SPTB: variants seen among roughly 807,000 people sequenced by gnomAD.
SPTB encodes the protein spectrin beta chain, erythrocytic.
SPTB carries 45 observed loss-of-function variants against 256.2 expected under a neutral mutation model. That is an observed-to-expected ratio of 0.18 (90% CI 0.14 to 0.23). The LOEUF (loss-of-function observed/expected upper bound fraction) is 0.23. SPTB is among the 10% of genes least tolerant of loss of function. SPTB has a pLI of 1.00. For synonymous variants in SPTB, 1,231 were observed against 1,243.1 expected (o/e 0.99, Z 0.21); for missense variants, 2,715 against 3,040.4 (o/e 0.89, Z 2.52).
rs1274707533 is a variant in SPTB, at chr14:64,746,774, C to T, written c.*2532G>A. The T allele has an allele frequency of 1.3e-5, 2 of 152,576 alleles. No individual in the cohort carries two copies. The highest frequency in any genetic ancestry group is 2.9e-5 in the Non-Finnish European group (2 of 68,154). 9.5% of individuals were successfully genotyped at this position (152,576 alleles called of 1,614,324 possible). On this transcript the variant is annotated 3_prime_UTR_variant, in exon 36 of 36. Coordinates refer to ENST00000644917, the MANE Select transcript of SPTB (RefSeq NM_001355436.2). The surrounding 1 kb of genome is among the most constrained non-coding windows in gnomAD (Gnocchi z 4.9). ...GGAAGGAGGACCGCCTGACCTTGCC[C>T]AGAAGGAGCTTCCTCTAAACTGCCC... is the stretch of plus-strand genomic sequence containing the variant.
rs1012649080 is a variant in SPTB at position 64,764,253 on chromosome 14, A to T, written c.6345+2473T>A. ...GGCTTGCAAGGAGCCTTCTAGAGCC[A>T]GGTTGGGCTTTCCCGACAGGCTCTG... On this transcript the variant is annotated intron_variant, in intron 32 of 35. Transcript: ENST00000644917. The surrounding 1 kb of genome is among the most constrained non-coding windows in gnomAD (Gnocchi z 4.2). 1.3e-5 allele frequency among the ~76,000 whole-genome samples: 2 copies of T among 152,218 alleles called. No homozygotes were observed. Among genetic ancestry groups the T allele is most frequent in the African/African-American group, 4.8e-5 (2 of 41,448 alleles).
Position 64,797,792 on chromosome 14 carries a change from C to T in SPTB, c.1119G>A (p.Met373Ile), listed in dbSNP as rs1167992290. ...EVLLFTIQSR[M>I]RANNQKVYTP... ...TGTACACTTTCTGATTGTTGGCTCT[C>T]ATCCGGGACTGGATGGTAAAAAGTA... is the stretch of plus-strand genomic sequence containing the variant. The change falls in exon 10 of 36, where the codon ATG (methionine) becomes ATA (isoleucine). Residue 373 changes from methionine to isoleucine, a missense_variant. Physicochemically the swap from Met to Ile is conservative, Grantham distance 10. Transcript: ENST00000644917. 2 of 1,614,190 alleles carry T rather than the reference C, an allele frequency of 1.2e-6. No homozygotes were observed. The highest frequency in any genetic ancestry group is 1.3e-5 in the African/African-American group (1 of 75,044).
intron 33 of SPTB, chr14:64,752,442 T>C: frequency 5.0e-6 from 2 of 396,164 alleles, no homozygotes; most frequent in South Asian, 3.7e-5. Context: ...CATTTCTGAC[T>C]CCGCGCTCAG....
intron 1 of SPTB, among the ~76,000 whole-genome samples, chr14:64,842,226 T>G (rs532139515): frequency 2.6e-5 from 4 of 152,234 alleles, no homozygotes; most frequent in Admixed American, 2.6e-4. Flanking sequence ...ATTGCTAAAA[T>G]AGTCTGCAAG....
chr14:64,771,510 G>T (rs559224282), intron 26 of SPTB, among the ~76,000 whole-genome samples: 3 of 152,238 alleles, frequency 2.0e-5, no homozygotes, highest in African/African-American at 7.2e-5. Flanking sequence ...TCTGAGATGG[G>T]GAAAACGAGG....
At chr14:64,843,762 C>T (rs973975180) in intron 1 of SPTB, among the ~76,000 whole-genome samples, 2 of 152,182 alleles carry the variant, frequency 1.3e-5, no homozygotes, top group African/African-American at 4.8e-5. Flanking sequence ...CTTGGCAACA[C>T]CCCTTGCCAG....
At chr14:64,821,974 C>T (rs1032803917) in intron 2 of SPTB, among the ~76,000 whole-genome samples, 1 of 151,984 alleles carries the variant, frequency 6.6e-6, no homozygotes, top group Non-Finnish European at 1.5e-5. Flanking sequence ...ATTACTACAA[C>T]CTTCAATTTG....
rs201889680 is a variant in SPTB at position 64,793,546 on chromosome 14, C to G, written c.2117G>C (p.Arg706Pro). Reference protein sequence around the residue: ...IFQEAHGMVARKQFGHPQIEA... With the variant: ...IFQEAHGMVAPKQFGHPQIEA... ...GATCTGCGGGTGCCCAAACTGCTTG[C>G]GCGCAACCATGCCATGAGCCTCCTG... Residue 706 changes from arginine to proline, a missense_variant, in exon 14 of 36, where the codon CGC becomes CCC. Physicochemically the swap from Arg to Pro is moderately radical, Grantham distance 103 (BLOSUM62 -2). This residue lies in a region of SPTB where 2,239 missense variants were observed against 2,384.4 expected (regional missense o/e 0.94). Coordinates refer to ENST00000644917, the MANE Select transcript of SPTB (RefSeq NM_001355436.2). The surrounding 1 kb of genome is among the most constrained non-coding windows in gnomAD (Gnocchi z 7.0). 6.2e-7 allele frequency: 1 copy of G among 1,614,112 alleles called. No homozygotes were observed. Among genetic ancestry groups the G allele is most frequent in the South Asian group, 1.1e-5 (1 of 91,084 alleles).
chr14:64,771,411 A>G (rs2082276298), intron 26 of SPTB, among the ~76,000 whole-genome samples: 1 of 152,198 alleles, frequency 6.6e-6, no homozygotes, highest in Non-Finnish European at 1.5e-5. Flanking sequence ...GGAACTACAT[A>G]TCAGGCACTG....
intron 32 of SPTB, chr14:64,753,999 T>C (rs1325676884): frequency 5.9e-6 from 4 of 678,910 alleles, no homozygotes; most frequent in Admixed American, 2.2e-5. Context: ...TGCTTCTGGC[T>C]CCATTTCCAC....
rs2083000769 is a variant in SPTB, at chr14:64,807,173, G to A, written c.149-2083C>T. ...TAGCTAACCCTTCAGGTCAGGTGTGGAGCCTCTGACTAAGGGGGGTGAAAG... is the reference window on the plus strand; with the variant it reads ...TAGCTAACCCTTCAGGTCAGGTGTGAAGCCTCTGACTAAGGGGGGTGAAAG... On this transcript the variant is annotated intron_variant, in intron 2 of 35. Coordinates refer to ENST00000644917, the MANE Select transcript of SPTB (RefSeq NM_001355436.2). The surrounding 1 kb of genome is among the most constrained non-coding windows in gnomAD (Gnocchi z 4.7). Among the ~76,000 whole-genome samples, 1 of 152,212 alleles carries A rather than the reference G, an allele frequency of 6.6e-6. No individual in the cohort carries two copies. The highest frequency in any genetic ancestry group is 1.5e-5 in the Non-Finnish European group (1 of 68,040).
In SPTB at chr14:64,824,797, G is replaced by A. The variant is rs151113933; in HGVS notation, c.-51-1652C>T. 6.6e-6 allele frequency among the ~76,000 whole-genome samples: 1 copy of A among 152,352 alleles called. No homozygotes were observed. The highest frequency in any genetic ancestry group is 2.4e-5 in the African/African-American group (1 of 41,578). On this transcript the variant is annotated intron_variant, in intron 1 of 35. Coordinates refer to ENST00000644917, the MANE Select transcript of SPTB (RefSeq NM_001355436.2). The surrounding 1 kb of genome is among the most constrained non-coding windows in gnomAD (Gnocchi z 5.7). Reference sequence around the variant, plus strand: ...CATTCACCAGCCCAAGTGTGAGATGGCAGCAGGGCTACAGCCTTATTTTTC... The same window carrying A: ...CATTCACCAGCCCAAGTGTGAGATGACAGCAGGGCTACAGCCTTATTTTTC...
rs2082991549 is a variant in SPTB, at chr14:64,806,734, G to A, written c.149-1644C>T. 6.6e-6 allele frequency among the ~76,000 whole-genome samples: 1 copy of A among 152,150 alleles called. No homozygotes were observed. The highest frequency in any genetic ancestry group is 2.1e-4 in the South Asian group (1 of 4,826). On this transcript the variant is annotated intron_variant, in intron 2 of 35. Coordinates refer to ENST00000644917, the MANE Select transcript of SPTB (RefSeq NM_001355436.2). The surrounding 1 kb of genome is among the most constrained non-coding windows in gnomAD (Gnocchi z 4.1). ...GTGGTGGTGGGGAACTCAAGGACAA[G>A]ACTGATGGTCCCTATCCTTGAGGCA...
At chr14:64,798,987 A>G (rs907930080) in intron 9 of SPTB, among the ~76,000 whole-genome samples, 3 of 152,212 alleles carry the variant, frequency 2.0e-5, no homozygotes, top group African/African-American at 7.2e-5. Flanking sequence ...GCATGGTTGT[A>G]TATATGTATG....
chr14:64,774,301 T>G, intron 24 of SPTB, 96 bp downstream of exon 24: 1 of 1,460,116 alleles, frequency 6.8e-7, no homozygotes, highest in South Asian at 1.3e-5. Context: ...GGGAAAACTC[T>G]TTCCATTTTC....
rs1695751 is a variant in SPTB at position 64,823,248 on chromosome 14, A to G, written c.-51-103T>C. The stretch of plus-strand genomic sequence containing the variant: ...ATCCAACGTGAGTAGATCCTGACAG[A>G]AGCAGAACGCCATGTCATCTGCCTG... On this transcript the variant is annotated intron_variant, in intron 1 of 35. Coordinates refer to ENST00000644917, the MANE Select transcript of SPTB (RefSeq NM_001355436.2). The surrounding 1 kb of genome is among the most constrained non-coding windows in gnomAD (Gnocchi z 6.5). 0.27 allele frequency: 239,787 copies of G among 871,994 alleles called. 40,073 individuals are homozygous for G. The highest frequency in any genetic ancestry group is 0.65 in the African/African-American group (38,997 of 60,086). 54.0% of individuals were successfully genotyped at this position (871,994 alleles called of 1,614,324 possible). A position where few individuals can be genotyped will look rare whatever the true frequency, so the allele number is the denominator to read the frequency against.
intron 28 of SPTB, 59 bp from the exon 29 acceptor site, chr14:64,769,177 G>T: frequency 6.9e-7 from 1 of 1,453,262 alleles, no homozygotes. Context: ...ATCTGAGGCA[G>T]TGCGCAGATG....
rs985891538 is a variant in SPTB, at chr14:64,791,716, C to A, written c.2804+3G>T. ...CCCGCCCCATGCCCTACCCACACCC[C>A]ACCTGGTGTTCAGATGGTCCTGGTA... On this transcript the variant is annotated splice_donor_region_variant and intron_variant, in intron 15 of 35. Transcript: ENST00000644917. 5 of 1,614,038 alleles carry A rather than the reference C, an allele frequency of 3.1e-6. No individual in the cohort carries two copies. In the African/African-American group the frequency reaches 5.3e-5, roughly 17 times the overall value.
chr14:64,861,972 A>C (rs1289638933), intron 1 of SPTB, among the ~76,000 whole-genome samples: 1 of 151,350 alleles, frequency 6.6e-6, no homozygotes, highest in Non-Finnish European at 1.5e-5. Context: ...TCCTACACCC[A>C]CCCCTTCAAT....
Sources: gnomAD v4.1 joint callset for allele counts (sites outside exome capture counted in the v4.1 genomes callset) on GRCh38, gnomAD v4.1.1 for gene constraint, gnomAD v4.1.1 regional missense constraint, Gnocchi (gnomAD v3.1) non-coding constraint, MANE v1.5 for transcripts, NCBI Gene and HGNC (gene_info 2026-07-23, HGNC 2026-07-21) for gene names.